Variants in DAAM2 observed in about 807,000 individuals in gnomAD.
DAAM2 encodes disheveled-associated activator of morphogenesis 2.
Under a neutral mutation model 120.7 loss-of-function variants are expected in DAAM2, and 39 were observed. The observed-to-expected ratio is 0.32, with a 90% CI of 0.25 to 0.42. The LOEUF (loss-of-function observed/expected upper bound fraction) is 0.42. Among genes scored for constraint, DAAM2 ranks in the 10% least tolerant of loss-of-function variants. DAAM2 has a pLI of 1.00. For synonymous variants in DAAM2, 488 were observed against 524.9 expected (o/e 0.93, Z 0.96); for missense variants, 1,283 against 1,401.7 (o/e 0.92, Z 1.35).
chr6:39,901,295 T>G lies in DAAM2; in HGVS notation c.2812-7T>G. 6.2e-7 allele frequency: 1 copy of G among 1,612,256 alleles called. No individual in the cohort carries two copies. ...CTCTCCACCAATCCTGTTCTGTCCC[T>G]TGACAGTTCGCCAAGGCCTTGATGC... On this transcript the variant is annotated splice_region_variant and splice_polypyrimidine_tract_variant and intron_variant, in intron 23 of 24. Transcript: ENST00000274867. The surrounding 1 kb of genome is among the most constrained non-coding windows in gnomAD (Gnocchi z 4.5).
chr6:39,867,440 G>T, intron 5 of DAAM2, 70 bp from the exon 6 acceptor site: 1 of 1,462,412 alleles, frequency 6.8e-7, no homozygotes, highest in Non-Finnish European at 9.5e-7. Flanking sequence ...ACAGGTAAGG[G>T]GGTAACTATT....
rs1766014381 is a variant in DAAM2 at position 39,895,380 on chromosome 6, T to C, written c.2342-1432T>C. Among the ~76,000 whole-genome samples, 2 of 151,902 alleles carry C rather than the reference T, an allele frequency of 1.3e-5. 1 individual carries two copies. Among genetic ancestry groups the C allele is most frequent in the South Asian group, 4.2e-4 (2 of 4,814 alleles). On this transcript the variant is annotated intron_variant, in intron 19 of 24. Transcript: ENST00000274867. ...CTTCCCAAGTAACTGGGATTACAGGTGTGCACCACCACGCCTGGCTAATTT... is the reference window on the plus strand; with the variant it reads ...CTTCCCAAGTAACTGGGATTACAGGCGTGCACCACCACGCCTGGCTAATTT...
In DAAM2 at chr6:39,901,585, C is replaced by T. The variant is rs1397291509; in HGVS notation, c.2982+113C>T. 3 of 1,239,740 alleles carry T rather than the reference C, an allele frequency of 2.4e-6. No homozygotes were observed. Among genetic ancestry groups the T allele is most frequent in the South Asian group, 1.5e-5 (1 of 66,984 alleles). The allele number at this position is 1,239,740 out of a possible 1,614,324, so 76.8% of individuals were successfully genotyped here. On this transcript the variant is annotated intron_variant, in intron 24 of 24. Transcript: ENST00000274867. This position sits in a 1 kb window ranked among gnomAD's most constrained non-coding sequence, Gnocchi z 4.5. ...CAGAGACTGAGGAACTGAGGAACAC[C>T]ATAGGGGTTGGATGTCAGCCCCAGG...
At chr6:39,869,888 C>T (rs1224418300) in intron 7 of DAAM2, among the ~76,000 whole-genome samples, 1 of 151,420 alleles carries the variant, frequency 6.6e-6, no homozygotes, top group Non-Finnish European at 1.5e-5. Context: ...TCATGGCTGG[C>T]ATGTGCTCTG....
chr6:39,836,335 C>T (rs2149243322), intron 1 of DAAM2, among the ~76,000 whole-genome samples: 1 of 152,230 alleles, frequency 6.6e-6, no homozygotes, highest in Admixed American at 6.5e-5. Context: ...AGAAGGCATC[C>T]CTAAATAACA....
chr6:39,887,489 G>C lies in DAAM2; in HGVS notation c.1957G>C (p.Glu653Gln). The C allele has an allele frequency of 6.2e-7, 1 of 1,612,724 alleles. No homozygotes were observed. The highest frequency in any genetic ancestry group is 8.5e-7 in the Non-Finnish European group (1 of 1,179,200). Residue 653 changes from glutamate (E) to glutamine (Q), a missense_variant, in exon 16 of 25, where the codon GAG becomes CAG. This residue lies in a region of DAAM2 where 748 missense variants were observed against 768.6 expected (regional missense o/e 0.97). Transcript: ENST00000274867. ...MFSAYQRHQKELGSTEDIYLA... is the reference protein window; with the variant it reads ...MFSAYQRHQKQLGSTEDIYLA... ...CCACTTGACTTGTTGGTTGCAGAAAGAGCTGGGCTCCACTGAAGACATCTA... is the reference window on the plus strand; with the variant it reads ...CCACTTGACTTGTTGGTTGCAGAAACAGCTGGGCTCCACTGAAGACATCTA...
In DAAM2 at chr6:39,814,126, C is replaced by T. The variant is rs556138129; in HGVS notation, c.-57+21661C>T. Among the ~76,000 whole-genome samples the T allele has an allele frequency of 3.3e-5, 5 of 151,968 alleles. No individual in the cohort carries two copies. In the South Asian group the frequency reaches 1.0e-3, roughly 32 times the overall value. On this transcript the variant is annotated intron_variant, in intron 1 of 24. Coordinates refer to ENST00000274867, the MANE Select transcript of DAAM2 (RefSeq NM_001201427.2). Reference sequence around the variant, plus strand: ...GGGCCAACACAAATTCATAAAATTTCTTAAAATGTTATGAGATTTTTGCAA... The same window carrying T: ...GGGCCAACACAAATTCATAAAATTTTTTAAAATGTTATGAGATTTTTGCAA...
chr6:39,891,755 G>T, intron 19 of DAAM2, 33 bp downstream of exon 19: 1 of 1,546,822 alleles, frequency 6.5e-7, no homozygotes, highest in South Asian at 1.2e-5. Flanking sequence ...GCTTAGAGTG[G>T]AGAGTTATCT....
chr6:39,878,529 G>A lies in DAAM2; in HGVS notation c.1486G>A (p.Glu496Lys), dbSNP rs990411291. The change falls in exon 13 of 25, where the codon GAG (glutamate) becomes AAG (lysine). Residue 496 changes from glutamate to lysine, a missense_variant. Glu to Lys is a moderately conservative substitution (Grantham distance 56, BLOSUM62 1). Around this residue, in one of 3 missense-constraint regions of DAAM2, gnomAD observed 748 missense variants for 768.6 expected, o/e 0.97. Coordinates refer to ENST00000274867, the MANE Select transcript of DAAM2 (RefSeq NM_001201427.2). The surrounding 1 kb of genome is among the most constrained non-coding windows in gnomAD (Gnocchi z 5.0). Reference protein sequence around the residue: ...MKDKLARESQELRQARGQVAE... With the variant: ...MKDKLARESQKLRQARGQVAE... ...GGACAAGCTGGCCCGGGAGTCCCAG[G>A]AGCTGCGCCAGGCTCGGGGACAAGT... The A allele has an allele frequency of 6.2e-7, 1 of 1,610,454 alleles. No individual in the cohort carries two copies. The highest frequency in any genetic ancestry group is 1.7e-5 in the Admixed American group (1 of 59,630).
intron 19 of DAAM2, among the ~76,000 whole-genome samples, chr6:39,894,464 G>A (rs921603882): frequency 1.2e-4 from 18 of 152,212 alleles, no homozygotes; most frequent in African/African-American, 3.9e-4. Context: ...AACCACATGT[G>A]TAATCAACAC....
Position 39,902,228 on chromosome 6 carries a change from C to T in DAAM2, c.*191C>T, listed in dbSNP as rs1766536724. 1.9e-5 allele frequency: 9 copies of T among 471,134 alleles called. No individual in the cohort carries two copies. The highest frequency in any genetic ancestry group is 3.9e-5 in the Admixed American group (1 of 25,692). 29.2% of individuals were successfully genotyped at this position (471,134 alleles called of 1,614,324 possible). A position where few individuals can be genotyped will look rare whatever the true frequency, so the allele number is the denominator to read the frequency against. On this transcript the variant is annotated 3_prime_UTR_variant, in exon 25 of 25. Coordinates refer to ENST00000274867, the MANE Select transcript of DAAM2 (RefSeq NM_001201427.2). ...TACCTTAAGGGGCTCCTCTTATCTC[C>T]CCTTCACATGATTCCTTCTGTGCCC...
chr6:39,893,911 C>T (rs1175629019), intron 19 of DAAM2, among the ~76,000 whole-genome samples: 2 of 152,198 alleles, frequency 1.3e-5, no homozygotes, highest in Non-Finnish European at 2.9e-5. Context: ...GCTGTTGACA[C>T]CTGCCCTCCT....
intron 14 of DAAM2, among the ~76,000 whole-genome samples, chr6:39,883,004 C>T (rs1765198863): frequency 6.6e-6 from 1 of 152,034 alleles, no homozygotes; most frequent in African/African-American, 2.4e-5. Context: ...GAAGAGGAGG[C>T]ATTAAACAAG....
chr6:39,858,432 T>G (rs1764090442), intron 2 of DAAM2, among the ~76,000 whole-genome samples: 1 of 152,052 alleles, frequency 6.6e-6, no homozygotes, highest in Non-Finnish European at 1.5e-5. Context: ...GGAAAGATAA[T>G]AGGACTTGGT....
At chr6:39,832,061 G>A (rs1423633162) in intron 1 of DAAM2, among the ~76,000 whole-genome samples, 2 of 148,490 alleles carry the variant, frequency 1.3e-5, no homozygotes, top group African/African-American at 2.5e-5. Flanking sequence ...GGGGACAGGT[G>A]TACTGAGGGA....
Position 39,864,973 on chromosome 6 carries a change from C to G in DAAM2, c.334-7C>G. 6.3e-7 allele frequency: 1 copy of G among 1,596,362 alleles called. No individual in the cohort carries two copies. Among genetic ancestry groups the G allele is most frequent in the Non-Finnish European group, 8.5e-7 (1 of 1,171,744 alleles). On this transcript the variant is annotated splice_polypyrimidine_tract_variant and splice_region_variant and intron_variant, in intron 4 of 24. Coordinates refer to ENST00000274867, the MANE Select transcript of DAAM2 (RefSeq NM_001201427.2). Reference sequence around the variant, plus strand: ...CAGGCAGCCCCTTTCTACCTGCTGGCCCTCAGATGCAGAGTCTGTACGCGT... The same window carrying G: ...CAGGCAGCCCCTTTCTACCTGCTGGGCCTCAGATGCAGAGTCTGTACGCGT...
intron 15 of DAAM2, chr6:39,886,107 C>T (rs548488426): frequency 3.3e-6 from 1 of 301,118 alleles, no homozygotes; most frequent in African/African-American, 2.1e-5. Context: ...GAAGAACAGG[C>T]AGCAAAGCCT....
chr6:39,870,283 G>T (rs1764604112), intron 7 of DAAM2, 57 bp from the exon 8 acceptor site: 1 of 1,072,120 alleles, frequency 9.3e-7, no homozygotes, highest in South Asian at 1.4e-5. Flanking sequence ...CTCCACTGGG[G>T]ATGTTGTGGA....
intron 1 of DAAM2, among the ~76,000 whole-genome samples, chr6:39,805,989 T>A (rs1230526474): frequency 6.6e-6 from 1 of 152,188 alleles, no homozygotes; most frequent in Non-Finnish European, 1.5e-5. Flanking sequence ...AAATGCCTCC[T>A]GAAATTTTGA....
Sources: gnomAD v4.1 joint callset for allele counts (sites outside exome capture counted in the v4.1 genomes callset) on GRCh38, gnomAD v4.1.1 for gene constraint, gnomAD v4.1.1 regional missense constraint, Gnocchi (gnomAD v3.1) non-coding constraint, MANE v1.5 for transcripts, NCBI Gene and HGNC (gene_info 2026-07-23, HGNC 2026-07-21) for gene names.